Variants in LHFPL3 observed in about 807,000 individuals in gnomAD.
The protein encoded by LHFPL3 is LHFPL tetraspan subfamily member 3, also known as LHFPL tetraspan subfamily member 3 protein.
LHFPL3 carries 5 observed loss-of-function variants against 19.3 expected under a neutral mutation model. The observed-to-expected ratio is 0.26, with a 90% CI of 0.14 to 0.54. The LOEUF is 0.54. LHFPL3 is among the 20% of genes least tolerant of loss of function. LHFPL3 has a pLI of 0.94. For synonymous variants in LHFPL3, 133 were observed against 126.2 expected (o/e 1.05, Z -0.36); for missense variants, 249 against 307.4 (o/e 0.81, Z 1.42).
At chr7:104,466,737 A>T (rs1229633519) in intron 1 of LHFPL3, among the ~76,000 whole-genome samples, 1 of 152,234 alleles carries the variant, frequency 6.6e-6, no homozygotes, top group Admixed American at 6.5e-5. Context: ...CTGCCTATGG[A>T]TTAAAATGGA....
At chr7:104,449,779 T>C (rs1792397862) in intron 1 of LHFPL3, among the ~76,000 whole-genome samples, 1 of 152,190 alleles carries the variant, frequency 6.6e-6, no homozygotes, top group Non-Finnish European at 1.5e-5. Context: ...TTTTTTGCCA[T>C]GATAATGGAC....
intron 1 of LHFPL3, among the ~76,000 whole-genome samples, chr7:104,343,512 CAAAAAAAAAAAAAAAAAAAAAAAAA>C (rs536122769): frequency 2.1e-5 from 1 of 47,474 alleles, no homozygotes; most frequent in Non-Finnish European, 4.2e-5. Flanking sequence ...GACTCTGTCT[CAAAAAAAAAAAAAAAAAAAAAAAAA>C]AAAAAAAAAA....
intron 1 of LHFPL3, among the ~76,000 whole-genome samples, chr7:104,349,607 G>T (rs1015180503): frequency 2.6e-5 from 4 of 152,184 alleles, no homozygotes; most frequent in African/African-American, 9.7e-5. Context: ...AGCATTAGGA[G>T]AAATACCTAA....
chr7:104,400,495 A>G (rs1791294507), intron 1 of LHFPL3, among the ~76,000 whole-genome samples: 1 of 152,212 alleles, frequency 6.6e-6, no homozygotes, highest in African/African-American at 2.4e-5. Context: ...TCTAAAAATT[A>G]AAAATAAAAA....
chr7:104,672,371 T>G (rs1247331216), intron 1 of LHFPL3, among the ~76,000 whole-genome samples: 2 of 152,204 alleles, frequency 1.3e-5, no homozygotes, highest in Admixed American at 6.5e-5. Flanking sequence ...TTTTGGGAAC[T>G]TCTTGAGGTC....
intron 1 of LHFPL3, among the ~76,000 whole-genome samples, chr7:104,542,506 A>G (rs545567742): frequency 2.0e-5 from 3 of 152,176 alleles, no homozygotes; most frequent in South Asian, 2.1e-4. Context: ...GACTTCCTAA[A>G]TTAGTCCTAT....
At chr7:104,351,092 G>C (rs1363998128) in intron 1 of LHFPL3, among the ~76,000 whole-genome samples, 1 of 150,572 alleles carries the variant, frequency 6.6e-6, no homozygotes, top group Non-Finnish European at 1.5e-5. Flanking sequence ...CACCATTTAA[G>C]AAGAGACTTG....
chr7:104,463,107 G>A (rs1294891317), intron 1 of LHFPL3, among the ~76,000 whole-genome samples: 3 of 152,030 alleles, frequency 2.0e-5, no homozygotes, highest in Admixed American at 6.6e-5. Flanking sequence ...TCATAATTAT[G>A]TTTATTTGAA....
At chr7:104,611,648 C>G (rs144551799) in intron 1 of LHFPL3, among the ~76,000 whole-genome samples, 36 of 152,088 alleles carry the variant, frequency 2.4e-4, no homozygotes, top group African/African-American at 8.0e-4. Flanking sequence ...CCTTCATCTT[C>G]TCATTTCCAA....
At chr7:104,805,004 T>C (rs568583766) in intron 2 of LHFPL3, among the ~76,000 whole-genome samples, 1 of 152,318 alleles carries the variant, frequency 6.6e-6, no homozygotes, top group Non-Finnish European at 1.5e-5. Context: ...CTCCCAGATC[T>C]ACTTCACTCC....
intron 1 of LHFPL3, among the ~76,000 whole-genome samples, chr7:104,384,087 G>T (rs1790887222): frequency 6.6e-6 from 1 of 151,256 alleles, no homozygotes; most frequent in African/African-American, 2.4e-5. Flanking sequence ...AGGATGAGTG[G>T]AGAGAATAAG....
intron 2 of LHFPL3, among the ~76,000 whole-genome samples, chr7:104,838,991 A>AG (rs1256811276): frequency 1.3e-5 from 2 of 152,238 alleles, no homozygotes; most frequent in African/African-American, 4.8e-5. Flanking sequence ...CATTTCCACC[A>AG]GGGAATGAAT....
At chr7:104,411,414 A>G (rs1481944027) in intron 1 of LHFPL3, among the ~76,000 whole-genome samples, 2 of 152,172 alleles carry the variant, frequency 1.3e-5, no homozygotes, top group African/African-American at 2.4e-5. Context: ...TAACTTCTTG[A>G]CAAAAGATGG....
intron 2 of LHFPL3, among the ~76,000 whole-genome samples, chr7:104,812,298 C>T (rs1790484714): frequency 6.6e-6 from 1 of 152,216 alleles, no homozygotes; most frequent in African/African-American, 2.4e-5. Context: ...CCCAAATGGC[C>T]ATTCCTAGTA....
At chr7:104,692,454 C>T (rs1051242124) in intron 1 of LHFPL3, among the ~76,000 whole-genome samples, 3 of 152,236 alleles carry the variant, frequency 2.0e-5, no homozygotes, top group African/African-American at 7.2e-5. Context: ...GTTTCATGGG[C>T]TGGGCCCAGG....
At position 104,430,383 on chromosome 7, in the gene LHFPL3, C is replaced by CAT. The variant is rs1176189742; in HGVS notation, c.445+101179_445+101180dup. ...GCATTTCTGTGGGTATATATATATA[C>CAT]ATATATATATATATATATATACATA... On this transcript the variant is annotated intron_variant, in intron 1 of 2. Coordinates refer to ENST00000424859, the MANE Select transcript of LHFPL3 (RefSeq NM_199000.3). Among the ~76,000 whole-genome samples the CAT allele has an allele frequency of 7.6e-3, 301 of 39,640 alleles. 8 individuals carry two copies. The East Asian group carries it at 0.083, about 11-fold the overall frequency. The allele number at this position is 39,640 out of a possible 152,430, so 26.0% of individuals were successfully genotyped here.
chr7:104,373,093 G>A (rs1360126911), intron 1 of LHFPL3, among the ~76,000 whole-genome samples: 1 of 151,608 alleles, frequency 6.6e-6, no homozygotes, highest in African/African-American at 2.4e-5. Context: ...GCATATTACA[G>A]GTTCTGAGAA....
At chr7:104,481,826 C>A (rs1156466069) in intron 1 of LHFPL3, among the ~76,000 whole-genome samples, 1 of 152,116 alleles carries the variant, frequency 6.6e-6, no homozygotes, top group Non-Finnish European at 1.5e-5. Flanking sequence ...GAACATAGTT[C>A]TTTTAGAAAG....
chr7:104,717,525 A>G (rs1353017203), intron 1 of LHFPL3, among the ~76,000 whole-genome samples: 2 of 152,244 alleles, frequency 1.3e-5, no homozygotes, highest in Admixed American at 6.5e-5. Flanking sequence ...AAAAGAAGAC[A>G]TACAAGTGGC....
Sources: allele counts gnomAD v4.1 joint callset (sites outside exome capture counted in the v4.1 genomes callset), GRCh38; gene constraint gnomAD v4.1.1; transcripts MANE v1.5; gene names NCBI Gene and HGNC (gene_info 2026-07-23, HGNC 2026-07-21).